CACNA1H: variants seen among roughly 807,000 people sequenced by gnomAD.
CACNA1H encodes the protein voltage-dependent T-type calcium channel subunit alpha-1H.
A neutral mutation model predicts 192.5 loss-of-function variants in CACNA1H; 149 were observed. The observed-to-expected ratio is 0.77, with a 90% CI of 0.68 to 0.89. The LOEUF (loss-of-function observed/expected upper bound fraction) is 0.89. CACNA1H is among the 40% of genes least tolerant of loss of function. The pLI is 0.00. For missense variants in CACNA1H, 4,257 were observed against 3,423.5 expected, an observed-to-expected ratio of 1.24 and a Z score of -6.08; for synonymous variants, 2,202 against 1,475.2, an observed-to-expected ratio of 1.49 and a Z score of -11.29.
At chr16:1,193,820 C>T (rs1567491028) in intron 2 of CACNA1H, among the ~76,000 whole-genome samples, 1 of 152,184 alleles carries the variant, frequency 6.6e-6, no homozygotes, top group Middle Eastern at 3.4e-3. Context: ...GCTGGGGTCC[C>T]TGGGGGAGGG....
At position 1,221,011 on chromosome 16, in the gene CACNA1H, G is replaced by C. The variant is rs749442334; in HGVS notation, c.*17G>C. 1 of 1,539,342 alleles carries C rather than the reference G, an allele frequency of 6.5e-7. No individual in the cohort carries two copies. The highest frequency in any genetic ancestry group is 1.4e-5 in the African/African-American group (1 of 71,980). The stretch of plus-strand genomic sequence containing the variant: ...CCCGTGTAGCTCGGGGCTTGGTGCC[G>C]CCCACGGCTTTGGCCCTGGGGTCTG... On this transcript the variant is annotated 3_prime_UTR_variant, in exon 35 of 35. Transcript: ENST00000348261.
chr16:1,213,658 A>G (rs1969721180), intron 26 of CACNA1H, 122 bp from the exon 27 acceptor site: 2 of 650,748 alleles, frequency 3.1e-6, no homozygotes, highest in Non-Finnish European at 5.0e-6. Flanking sequence ...CCATCTTCAC[A>G]TGAGCCGTGG....
rs543003198 is a variant in CACNA1H, at chr16:1,184,395, G to A, written c.300-10577G>A. Reference sequence around the variant, plus strand: ...GGGCCAGCAGCCCCAGAGGACTCCAGGCGGCTTGGCCTGGGCACCTGCACA... The same window carrying A: ...GGGCCAGCAGCCCCAGAGGACTCCAAGCGGCTTGGCCTGGGCACCTGCACA... On this transcript the variant is annotated intron_variant, in intron 2 of 34. Transcript: ENST00000348261. Among the ~76,000 whole-genome samples, 17 of 152,388 alleles carry A rather than the reference G, an allele frequency of 1.1e-4. No individual in the cohort carries two copies. The East Asian group carries it at 3.3e-3, about 29-fold the overall frequency.
At position 1,215,466 on chromosome 16, in the gene CACNA1H, C is replaced by T. The variant is rs1026313383; in HGVS notation, c.5174-57C>T. On this transcript the variant is annotated intron_variant, in intron 29 of 34. Transcript: ENST00000348261. ...GAGTGAGGGGCGGGGCGGCCAGGGT[C>T]CCCGCGCAGCAGGGAGGGTCCGCCC... 3.1e-6 allele frequency: 5 copies of T among 1,589,866 alleles called. No individual in the cohort carries two copies. The African/African-American group carries it at 4.0e-5, about 13-fold the overall frequency.
chr16:1,220,498 C>T lies in CACNA1H; in HGVS notation c.6566C>T (p.Pro2189Leu). Residue 2189 changes from proline to leucine, a missense_variant, in exon 35 of 35, where the codon CCC (proline) becomes CTC (leucine). Coordinates refer to ENST00000348261, the MANE Select transcript of CACNA1H (RefSeq NM_021098.3). Reference protein sequence around the residue: ...LGARRKKKMSPPCISVEPPAE... With the variant: ...LGARRKKKMSLPCISVEPPAE... Reference sequence around the variant, plus strand: ...GCGCGCAGAAAGAAGAAGATGAGCCCCCCCTGCATCTCGGTGGAACCCCCT... The same window carrying T: ...GCGCGCAGAAAGAAGAAGATGAGCCTCCCCTGCATCTCGGTGGAACCCCCT... 6.5e-7 allele frequency: 1 copy of T among 1,542,716 alleles called. No homozygotes were observed. Among genetic ancestry groups the T allele is most frequent in the Non-Finnish European group, 8.7e-7 (1 of 1,153,284 alleles).
rs771548651 is a variant in CACNA1H at position 1,220,084 on chromosome 16, A to AG, written c.6158dup (p.Ser2054LeufsTer18). 3 of 1,459,442 alleles carry AG rather than the reference A, an allele frequency of 2.1e-6. No individual in the cohort carries two copies. The highest frequency in any genetic ancestry group is 2.7e-5 in the East Asian group (1 of 37,374). 90.4% of individuals were successfully genotyped at this position (1,459,442 alleles called of 1,614,324 possible). A position where few individuals can be genotyped will look rare whatever the true frequency, so the allele number is the denominator to read the frequency against. ...AAAACCCCGGTGAGGCCGGTGACCC[A>AG]GGGGGGCTCCCTGCAGTCCCCACCA... On this transcript the variant is annotated frameshift_variant, in exon 35 of 35. Coordinates refer to ENST00000348261, the MANE Select transcript of CACNA1H (RefSeq NM_021098.3). LOFTEE classifies it low-confidence loss of function (END_TRUNC).
intron 8 of CACNA1H, among the ~76,000 whole-genome samples, chr16:1,201,254 A>G (rs1967855436): frequency 6.6e-6 from 1 of 152,160 alleles, no homozygotes; most frequent in African/African-American, 2.4e-5. Context: ...AGACGTCCCC[A>G]GCTTGTTCTG....
At chr16:1,165,925 G>A (rs543532968) in intron 2 of CACNA1H, among the ~76,000 whole-genome samples, 40 of 152,266 alleles carry the variant, frequency 2.6e-4, no homozygotes, top group African/African-American at 8.7e-4. Flanking sequence ...CGGCCCGGCC[G>A]TGTGGGGCAA....
At chr16:1,200,592 A>T (rs1354237697) in intron 7 of CACNA1H, 21 bp downstream of exon 7, 1 of 1,610,286 alleles carries the variant, frequency 6.2e-7, no homozygotes, top group Non-Finnish European at 8.5e-7. Context: ...AGATGGTGGG[A>T]CGGGGACCCT....
rs192277843 is a variant in CACNA1H, at chr16:1,219,142, C to A, written c.6048+12C>A. ...TGCTCTGCAGACAGGTAGGAGAAGC[C>A]GTTGGCCTGCAGCAGAGGCTGGCGG... On this transcript the variant is annotated intron_variant, in intron 34 of 34. Coordinates refer to ENST00000348261, the MANE Select transcript of CACNA1H (RefSeq NM_021098.3). 4.0e-6 allele frequency: 6 copies of A among 1,517,668 alleles called. No homozygotes were observed. Among genetic ancestry groups the A allele is most frequent in the Non-Finnish European group, 5.3e-6 (6 of 1,129,568 alleles). 94.0% of individuals were successfully genotyped at this position (1,517,668 alleles called of 1,614,324 possible).
rs556345116 is a variant in CACNA1H, at chr16:1,217,140, G to A, written c.5323+130G>A. ...CTGATCAGGGCCACACGCCTCCTGG[G>A]CGTCCTCACCCGGCCCTGCTTCCGG... is the stretch of plus-strand genomic sequence containing the variant. On this transcript the variant is annotated intron_variant, in intron 31 of 34. Coordinates refer to ENST00000348261, the MANE Select transcript of CACNA1H (RefSeq NM_021098.3). 1.8e-4 allele frequency: 135 copies of A among 763,094 alleles called. No individual in the cohort carries two copies. In the African/African-American group the frequency reaches 2.2e-3, roughly 12 times the overall value. 47.3% of individuals were successfully genotyped at this position (763,094 alleles called of 1,614,324 possible).
At chr16:1,201,184 T>C (rs1258263234) in intron 8 of CACNA1H, among the ~76,000 whole-genome samples, 3 of 152,132 alleles carry the variant, frequency 2.0e-5, no homozygotes, top group Non-Finnish European at 4.4e-5. Context: ...CAGACGTCTG[T>C]GGGGTCCTAG....
chr16:1,199,020 A>C, intron 6 of CACNA1H: 1 of 428,164 alleles, frequency 2.3e-6, no homozygotes, highest in African/African-American at 2.4e-5. Context: ...CGCTGCACAT[A>C]TGCCCCACCC....
At chr16:1,198,255 C>T (rs1297539640) in intron 5 of CACNA1H, among the ~76,000 whole-genome samples, 2 of 149,082 alleles carry the variant, frequency 1.3e-5, no homozygotes, top group Non-Finnish European at 3.0e-5. Context: ...AGACCTGCCG[C>T]AGCCAGTTCC....
At position 1,180,323 on chromosome 16, in the gene CACNA1H, C is replaced by G. The variant is rs922612267; in HGVS notation, c.300-14649C>G. On this transcript the variant is annotated intron_variant, in intron 2 of 34. Coordinates refer to ENST00000348261, the MANE Select transcript of CACNA1H (RefSeq NM_021098.3). The surrounding 1 kb of genome is among the most constrained non-coding windows in gnomAD (Gnocchi z 4.4). ...TGTGAGGCGAGAGGGACTCGGGCTG[C>G]TGTGGGCTGGGGAGGACGGTCCCAT... Among the ~76,000 whole-genome samples the G allele has an allele frequency of 2.0e-5, 3 of 152,230 alleles. No homozygotes were observed. The highest frequency in any genetic ancestry group is 7.2e-5 in the African/African-American group (3 of 41,464).
chr16:1,213,682 A>G, intron 26 of CACNA1H, 98 bp from the exon 27 acceptor site: 1 of 906,676 alleles, frequency 1.1e-6, no homozygotes, highest in Non-Finnish European at 1.6e-6. Context: ...CCCAACTTCT[A>G]CCCTACACTT....
At chr16:1,178,670 A>G (rs1965159628) in intron 2 of CACNA1H, among the ~76,000 whole-genome samples, 7 of 152,028 alleles carry the variant, frequency 4.6e-5, no homozygotes. Flanking sequence ...CCAGCCCCAA[A>G]GGGGCCACAC....
chr16:1,168,434 T>C (rs1480676053), intron 2 of CACNA1H, among the ~76,000 whole-genome samples: 1 of 152,008 alleles, frequency 6.6e-6, no homozygotes, highest in Admixed American at 6.5e-5. Flanking sequence ...GCGGGGAGGC[T>C]GCTGGACTTG....
chr16:1,220,709 G>A lies in CACNA1H; in HGVS notation c.6777G>A (p.Glu2259=). The A allele has an allele frequency of 6.2e-7, 1 of 1,611,942 alleles. No homozygotes were observed. The highest frequency in any genetic ancestry group is 8.5e-7 in the Non-Finnish European group (1 of 1,179,558). Residue 2259 remains glutamate (E), a synonymous_variant, in exon 35 of 35, where the codon GAG becomes GAA. Transcript: ENST00000348261. ...ERWGQASCRA[E]HLTVPSFAFE... is the part of the protein sequence containing the mutation. Reference sequence around the variant, plus strand: ...GGGGCCAGGCCTCCTGCCGGGCTGAGCACCTGACCGTCCCCAGCTTTGCCT... The same window carrying A: ...GGGGCCAGGCCTCCTGCCGGGCTGAACACCTGACCGTCCCCAGCTTTGCCT...
Sources: allele counts gnomAD v4.1 joint callset (sites outside exome capture counted in the v4.1 genomes callset), GRCh38; gene constraint gnomAD v4.1.1; non-coding constraint Gnocchi (gnomAD v3.1); transcripts MANE v1.5; gene names NCBI Gene and HGNC (gene_info 2026-07-23, HGNC 2026-07-21).